The following ATP13A2 variants were observed in gnomAD, a reference collection of about 807,000 sequenced individuals.
ATP13A2 encodes ATPase cation transporting 13A2, also known as polyamine-transporting ATPase 13A2.
In ATP13A2, 83 loss-of-function variants were observed where a neutral mutation model predicts 138.3. That is an observed-to-expected ratio of 0.60 (90% confidence interval 0.50 to 0.72). The LOEUF (loss-of-function observed/expected upper bound fraction) is 0.72, where lower values mean the gene tolerates loss of function less well. Ranked by LOEUF, ATP13A2 falls within the 30% of genes least tolerant of loss-of-function variation. The pLI, the probability that ATP13A2 is intolerant of heterozygous loss-of-function variation, is 0.00. For synonymous variants in ATP13A2, 663 were observed against 699.0 expected (o/e 0.95, Z 0.81); for missense variants, 1,402 against 1,606.4 (o/e 0.87, Z 2.17).
In ATP13A2 at chr1:16,995,726, G is replaced by A. The variant is rs1289883434; in HGVS notation, c.1542+250C>T. The A allele has an allele frequency of 3.4e-6, 2 of 582,388 alleles. No individual in the cohort carries two copies. Among genetic ancestry groups the A allele is most frequent in the African/African-American group, 1.8e-5 (1 of 54,622 alleles). The allele number at this position is 582,388 out of a possible 1,614,324, so 36.1% of individuals were successfully genotyped here. The stretch of plus-strand genomic sequence containing the variant: ...CTCCCAAAGTGCTGGGATTACAGAC[G>A]TGAGCCACCGCGCCCGGCCCCCCAC... On this transcript the variant is annotated intron_variant, in intron 15 of 28. Coordinates refer to ENST00000326735, the MANE Select transcript of ATP13A2 (RefSeq NM_022089.4). The surrounding 1 kb of genome is among the most constrained non-coding windows in gnomAD (Gnocchi z 4.1).
Position 16,986,962 on chromosome 1 carries a change from G to A in ATP13A2, c.3084-6C>T. Reference sequence around the variant, plus strand: ...TCCTGTTCAGAGGCACGAACCTGGGGGTACAGGGATGGGGGTCAGGGAACG... The same window carrying A: ...TCCTGTTCAGAGGCACGAACCTGGGAGTACAGGGATGGGGGTCAGGGAACG... On this transcript the variant is annotated splice_polypyrimidine_tract_variant and splice_region_variant and intron_variant, in intron 26 of 28. Coordinates refer to ENST00000326735, the MANE Select transcript of ATP13A2 (RefSeq NM_022089.4). This position sits in a 1 kb window ranked among gnomAD's most constrained non-coding sequence, Gnocchi z 6.9. 1 of 1,613,946 alleles carries A rather than the reference G, an allele frequency of 6.2e-7. No individual in the cohort carries two copies. Among genetic ancestry groups the A allele is most frequent in the Non-Finnish European group, 8.5e-7 (1 of 1,179,938 alleles).
chr1:17,011,847 GGCGCTGGGCTA>G lies in ATP13A2; in HGVS notation c.-120_-110del. 7.9e-6 allele frequency: 8 copies of G among 1,016,302 alleles called. No individual in the cohort carries two copies. The highest frequency in any genetic ancestry group is 9.5e-6 in the Non-Finnish European group (8 of 841,348). 63.0% of individuals were successfully genotyped at this position (1,016,302 alleles called of 1,614,324 possible). On this transcript the variant is annotated 5_prime_UTR_variant, in exon 1 of 29. Transcript: ENST00000326735. This position sits in a 1 kb window ranked among gnomAD's most constrained non-coding sequence, Gnocchi z 7.3. Reference sequence around the variant, plus strand: ...GCGGTCCGGACGGCCCGGGGCGAGGGGCGCTGGGCTAGCGCGGGGCTGGAGCAGGGCTGACG... The same window carrying G: ...GCGGTCCGGACGGCCCGGGGCGAGGGGCGCGGGGCTGGAGCAGGGCTGACG...
intron 24 of ATP13A2, 38 bp from the exon 25 acceptor site, chr1:16,988,272 G>A: frequency 1.2e-6 from 2 of 1,614,186 alleles, no homozygotes; most frequent in Non-Finnish European, 1.7e-6. Flanking sequence ...GACCCAGGTT[G>A]GCTGACCAGC....
In ATP13A2 at chr1:17,000,604, C is replaced by CT. The variant is rs1488383719; in HGVS notation, c.706-71dup. On this transcript the variant is annotated intron_variant, in intron 8 of 28. Coordinates refer to ENST00000326735, the MANE Select transcript of ATP13A2 (RefSeq NM_022089.4). ...GCAGCCCAGCCACAGGCTGGGTCTCCTGTGCCCATGGGAGCAGAGGGCCCA... is the reference window on the plus strand; with the variant it reads ...GCAGCCCAGCCACAGGCTGGGTCTCCTTGTGCCCATGGGAGCAGAGGGCCCA... 5.7e-6 allele frequency: 9 copies of CT among 1,573,792 alleles called. No individual in the cohort carries two copies. In the East Asian group the frequency reaches 2.1e-4, roughly 36 times the overall value.
In ATP13A2 at chr1:17,011,914, C is replaced by A; in HGVS notation, c.-176G>T. 2.2e-6 allele frequency: 1 copy of A among 462,204 alleles called. No individual in the cohort carries two copies. The highest frequency in any genetic ancestry group is 2.9e-6 in the Non-Finnish European group (1 of 348,354). The allele number at this position is 462,204 out of a possible 1,614,324, so 28.6% of individuals were successfully genotyped here. The stretch of plus-strand genomic sequence containing the variant: ...GGGGCACCTGGGCCACCAGGCTCGG[C>A]GCGGCTCCGACACTGCCGCAGTCCC... On this transcript the variant is annotated 5_prime_UTR_variant, in exon 1 of 29. Transcript: ENST00000326735. This position sits in a 1 kb window ranked among gnomAD's most constrained non-coding sequence, Gnocchi z 7.3.
intron 24 of ATP13A2, 41 bp downstream of exon 24, chr1:16,988,281 G>T (rs755414129): frequency 1.2e-6 from 2 of 1,614,148 alleles, no homozygotes; most frequent in Non-Finnish European, 1.7e-6. Flanking sequence ...TGGCTGACCA[G>T]CCCTGCTGAG....
Position 17,005,365 on chromosome 1 carries a change from G to T in ATP13A2, c.288+9C>A. 6.3e-7 allele frequency: 1 copy of T among 1,589,672 alleles called. No homozygotes were observed. Among genetic ancestry groups the T allele is most frequent in the South Asian group, 1.1e-5 (1 of 88,558 alleles). On this transcript the variant is annotated intron_variant, in intron 3 of 28. Coordinates refer to ENST00000326735, the MANE Select transcript of ATP13A2 (RefSeq NM_022089.4). ...GCTTCTCTAGCCCCAGGCTCAGCCTGACTCTCACCTCTTTGTCTCTTATTT... is the reference window on the plus strand; with the variant it reads ...GCTTCTCTAGCCCCAGGCTCAGCCTTACTCTCACCTCTTTGTCTCTTATTT...
chr1:16,986,079 G>A lies in ATP13A2; in HGVS notation c.*142C>T. 1 of 1,534,188 alleles carries A rather than the reference G, an allele frequency of 6.5e-7. No homozygotes were observed. The highest frequency in any genetic ancestry group is 8.8e-7 in the Non-Finnish European group (1 of 1,138,440). Reference sequence around the variant, plus strand: ...ACAGTAGTCAACGCTTCCCCAGGGTGGGGGTGGTCTCGGGGGAGGAGTGTA... The same window carrying A: ...ACAGTAGTCAACGCTTCCCCAGGGTAGGGGTGGTCTCGGGGGAGGAGTGTA... On this transcript the variant is annotated 3_prime_UTR_variant, in exon 29 of 29. Coordinates refer to ENST00000326735, the MANE Select transcript of ATP13A2 (RefSeq NM_022089.4). This position sits in a 1 kb window ranked among gnomAD's most constrained non-coding sequence, Gnocchi z 6.9.
In ATP13A2 at chr1:17,005,023, C is replaced by A; in HGVS notation, c.338G>T (p.Gly113Val). 1 of 1,614,036 alleles carries A rather than the reference C, an allele frequency of 6.2e-7. No homozygotes were observed. The highest frequency in any genetic ancestry group is 8.5e-7 in the Non-Finnish European group (1 of 1,180,010). ...AATGGGGCTGCCTCACCTGCCCTCG[C>A]CGATGGCCTCAGTCTGCACCTGGAC... ...FTVQVQTEAIGEGSLEPSPQS... is the reference protein window; with the variant it reads ...FTVQVQTEAIVEGSLEPSPQS... Residue 113 changes from glycine to valine, a missense_variant, in exon 4 of 29, where the codon GGC becomes GTC. Physicochemically the swap from Gly to Val is moderately radical, Grantham distance 109 (BLOSUM62 -3). Coordinates refer to ENST00000326735, the MANE Select transcript of ATP13A2 (RefSeq NM_022089.4).
In ATP13A2 at chr1:16,987,377, G is replaced by A. The variant is rs2076774692; in HGVS notation, c.2860-108C>T. 7.5e-6 allele frequency: 8 copies of A among 1,063,348 alleles called. No individual in the cohort carries two copies. In the African/African-American group the frequency reaches 7.9e-5, roughly 10 times the overall value. 65.9% of individuals were successfully genotyped at this position (1,063,348 alleles called of 1,614,324 possible). A position where few individuals can be genotyped will look rare whatever the true frequency, so the allele number is the denominator to read the frequency against. The stretch of plus-strand genomic sequence containing the variant: ...GCCCCGAAGGAATCTGATGGGTAAG[G>A]CATCCCCCAGTCTAATGGGGGCCGT... On this transcript the variant is annotated intron_variant, in intron 25 of 28. Coordinates refer to ENST00000326735, the MANE Select transcript of ATP13A2 (RefSeq NM_022089.4).
Position 17,004,435 on chromosome 1 carries a change from G to A in ATP13A2, c.478-24C>T, listed in dbSNP as rs370456259. 3.7e-6 allele frequency: 6 copies of A among 1,613,174 alleles called. No homozygotes were observed. The highest frequency in any genetic ancestry group is 5.1e-6 in the Non-Finnish European group (6 of 1,179,432). On this transcript the variant is annotated intron_variant, in intron 5 of 28. Coordinates refer to ENST00000326735, the MANE Select transcript of ATP13A2 (RefSeq NM_022089.4). This position sits in a 1 kb window ranked among gnomAD's most constrained non-coding sequence, Gnocchi z 4.1. ...TTCTGGGTGGGAGAGAGGAGAGGAT[G>A]GGTTGGAAGCTGGCCCCGGCCCCAG...
Position 16,995,506 on chromosome 1 carries a change from A to C in ATP13A2, c.1542+470T>G. 4.9e-5 allele frequency: 11 copies of C among 224,136 alleles called. No individual in the cohort carries two copies. Among genetic ancestry groups the C allele is most frequent in the South Asian group, 1.8e-4 (3 of 17,108 alleles). The allele number at this position is 224,136 out of a possible 1,614,324, so 13.9% of individuals were successfully genotyped here. On this transcript the variant is annotated intron_variant, in intron 15 of 28. Transcript: ENST00000326735. The surrounding 1 kb of genome is among the most constrained non-coding windows in gnomAD (Gnocchi z 4.1). ...TTTTTTGAGTTTTGCTCTGTCACCC[A>C]GGCTGGAGTACAATGGCATGATCTT...
At chr1:17,010,922 G>A (rs1300560706) in intron 1 of ATP13A2, among the ~76,000 whole-genome samples, 8 of 152,178 alleles carry the variant, frequency 5.3e-5, no homozygotes, top group African/African-American at 1.9e-4. Context: ...CTGCCAGGCT[G>A]AGGCGGGAGT....
chr1:17,011,606 C>T lies in ATP13A2; in HGVS notation c.10+123G>A. 1 of 1,279,446 alleles carries T rather than the reference C, an allele frequency of 7.8e-7. No homozygotes were observed. Among genetic ancestry groups the T allele is most frequent in the Non-Finnish European group, 1.0e-6 (1 of 985,348 alleles). 79.3% of individuals were successfully genotyped at this position (1,279,446 alleles called of 1,614,324 possible). A position where few individuals can be genotyped will look rare whatever the true frequency, so the allele number is the denominator to read the frequency against. On this transcript the variant is annotated intron_variant, in intron 1 of 28. Transcript: ENST00000326735. The surrounding 1 kb of genome is among the most constrained non-coding windows in gnomAD (Gnocchi z 7.3). Reference sequence around the variant, plus strand: ...CGGGCCAGGATCCCCAACCAGGTCCCGCTTCCTGGGCTCGCGACCCCGCGG... The same window carrying T: ...CGGGCCAGGATCCCCAACCAGGTCCTGCTTCCTGGGCTCGCGACCCCGCGG...
chr1:16,995,255 T>C lies in ATP13A2; in HGVS notation c.1542+721A>G, dbSNP rs543804666. 6.6e-6 allele frequency among the ~76,000 whole-genome samples: 1 copy of C among 152,246 alleles called. No individual in the cohort carries two copies. The highest frequency in any genetic ancestry group is 2.1e-4 in the South Asian group (1 of 4,832). ...CCTTCTCTCTAAGGAAGTGTCCCCA[T>C]CTAGAACCCATCAAGCTATCCCACT... On this transcript the variant is annotated intron_variant, in intron 15 of 28. Transcript: ENST00000326735. This position sits in a 1 kb window ranked among gnomAD's most constrained non-coding sequence, Gnocchi z 4.1.
Position 16,986,601 on chromosome 1 carries a change from G to A in ATP13A2, c.3267C>T (p.Ser1089=). 3 of 1,610,872 alleles carry A rather than the reference G, an allele frequency of 1.9e-6. No homozygotes were observed. Among genetic ancestry groups the A allele is most frequent in the Non-Finnish European group, 1.7e-6 (2 of 1,179,622 alleles). ...VPFLVALALL[S]SVLVGLVLVP... is the part of the protein sequence containing the mutation. The stretch of plus-strand genomic sequence containing the variant: ...CCAGGACAAGGCCCACCAGGACGGA[G>A]CTCAGGAGCGCCAGGGCCACCAGGA... The change falls in exon 28 of 29, where the codon AGC becomes AGT. Residue 1089 remains serine (S), a synonymous_variant. Coordinates refer to ENST00000326735, the MANE Select transcript of ATP13A2 (RefSeq NM_022089.4). The surrounding 1 kb of genome is among the most constrained non-coding windows in gnomAD (Gnocchi z 6.9).
Position 16,986,308 on chromosome 1 carries a change from C to G in ATP13A2, c.3456G>C (p.Lys1152Asn), listed in dbSNP as rs1009436147. 6 of 1,594,320 alleles carry G rather than the reference C, an allele frequency of 3.8e-6. No homozygotes were observed. The African/African-American group carries it at 8.0e-5, about 21-fold the overall frequency. ...LPACLRRLRP[K>N]RASKKRFKQL... ...GCTTGAAGCGCTTCTTGGAGGCCCG[C>G]TTGGGCCGGAGGCGGCGCAGGCAGG... Residue 1152 changes from lysine to asparagine, a missense_variant, in exon 29 of 29, where the codon AAG (lysine) becomes AAC (asparagine). Physicochemically the swap from Lys to Asn is moderately conservative, Grantham distance 94. Transcript: ENST00000326735. This position sits in a 1 kb window ranked among gnomAD's most constrained non-coding sequence, Gnocchi z 6.9.
Position 16,992,598 on chromosome 1 carries a change from G to C in ATP13A2, c.1750-17C>G, listed in dbSNP as rs1342512264. On this transcript the variant is annotated splice_polypyrimidine_tract_variant and intron_variant, in intron 16 of 28. Transcript: ENST00000326735. ...CTCCAGGACCTGGCAGGCAGGCAGG[G>C]AAGTTTGGTGTCTGGGGGCTTTGGC... 1.2e-6 allele frequency: 2 copies of C among 1,613,802 alleles called. No individual in the cohort carries two copies. The highest frequency in any genetic ancestry group is 2.7e-5 in the African/African-American group (2 of 74,956).
rs773768330 is a variant in ATP13A2, at chr1:17,000,407, G to T, written c.833C>A (p.Thr278Asn). 1.1e-5 allele frequency: 17 copies of T among 1,612,960 alleles called. No homozygotes were observed. The East Asian group carries it at 3.8e-4, about 36-fold the overall frequency. The change falls in exon 9 of 29, where the codon ACC becomes AAC. Residue 278 changes from threonine to asparagine, a missense_variant. Transcript: ENST00000326735. ...CCACCTTATGGCACTCACCTTTCTG[G>T]TCTTGTACAGCGACAGGCAGATGGA... ...SISICLSLYK[T>N]RKQSQTLRDM...
Sources: gnomAD v4.1 joint callset for allele counts (sites outside exome capture counted in the v4.1 genomes callset) on GRCh38, gnomAD v4.1.1 for gene constraint, Gnocchi (gnomAD v3.1) non-coding constraint, MANE v1.5 for transcripts, NCBI Gene and HGNC (gene_info 2026-07-23, HGNC 2026-07-21) for gene names.